The following RNF115 variants were observed in gnomAD, a reference collection of about 807,000 sequenced individuals.
RNF115 encodes E3 ubiquitin-protein ligase RNF115.
RNF115 carries 31 observed loss-of-function variants against 39.2 expected under a neutral mutation model. The observed-to-expected ratio is 0.79, with a 90% CI of 0.59 to 1.07. The LOEUF is 1.07. RNF115 is among the 50% of genes least tolerant of loss of function. The pLI, the probability that RNF115 is intolerant of heterozygous loss-of-function variation, is 0.00. For synonymous variants in RNF115, 124 were observed against 131.0 expected (o/e 0.95, Z 0.37); for missense variants, 384 against 381.7 (o/e 1.01, Z -0.05).
chr1:145,748,910 G>C (rs1458036807), intron 7 of RNF115, among the ~76,000 whole-genome samples: 1 of 151,274 alleles, frequency 6.6e-6, no homozygotes, highest in Non-Finnish European at 1.5e-5. Flanking sequence ...ATTAATAAAA[G>C]CTATACCAGA....
chr1:145,787,688 A>T (rs1449029401), intron 2 of RNF115, among the ~76,000 whole-genome samples: 2 of 152,098 alleles, frequency 1.3e-5, no homozygotes, highest in Non-Finnish European at 2.9e-5. Context: ...GGAGTTCAAG[A>T]CCAGCCTGGC....
intron 8 of RNF115, among the ~76,000 whole-genome samples, chr1:145,747,600 G>A (rs1198114758): frequency 1.3e-5 from 2 of 152,132 alleles, no homozygotes; most frequent in Non-Finnish European, 2.9e-5. Context: ...CTGAGATCAC[G>A]CCACTGCACT....
intron 4 of RNF115, among the ~76,000 whole-genome samples, chr1:145,756,507 TA>T (rs1658299738): frequency 6.6e-6 from 1 of 151,782 alleles, no homozygotes; most frequent in African/African-American, 2.4e-5. Flanking sequence ...GAATGGTACC[TA>T]AAGAATCATT....
chr1:145,823,797 T>A lies in RNF115; in HGVS notation c.77A>T (p.Lys26Met). ...AAHRFFCHFC[K>M]GEVSPKLPEY... ...CGGTAGTTTGGGGCTGACCTCGCCC[T>A]TGCAAAAGTGGCAGAAAAACCGGTG... Residue 26 changes from lysine to methionine, a missense_variant, in exon 1 of 9, where the codon AAG becomes ATG. By Grantham distance (95) the Lys-to-Met change is moderately conservative (BLOSUM62 -1). Transcript: ENST00000582693. The A allele has an allele frequency of 1.3e-6, 2 of 1,585,050 alleles. No individual in the cohort carries two copies. Among genetic ancestry groups the A allele is most frequent in the Non-Finnish European group, 1.7e-6 (2 of 1,168,844 alleles).
At chr1:145,779,787 C>T (rs371605985) in intron 3 of RNF115, among the ~76,000 whole-genome samples, 41 of 152,040 alleles carry the variant, frequency 2.7e-4, no homozygotes, top group East Asian at 1.6e-3. Flanking sequence ...CTCAGCCTCC[C>T]GAATAGCTGG....
Position 145,746,931 on chromosome 1 carries a change from T to G in RNF115, c.850A>C (p.Thr284Pro). 1 of 1,614,068 alleles carries G rather than the reference T, an allele frequency of 6.2e-7. No individual in the cohort carries two copies. Residue 284 changes from threonine to proline, a missense_variant, in exon 9 of 9, where the codon ACT becomes CCT. Physicochemically the swap from Thr to Pro is conservative, Grantham distance 38. Transcript: ENST00000582693. ...GEDSTRQSQS[T>P]EASASNRFSN... The stretch of plus-strand genomic sequence containing the variant: ...AATCTGTTGCTTGCAGAGGCCTCAG[T>G]GCTCTGGCTTTGCCGAGTAGAGTCC...
chr1:145,790,931 CAG>C (rs1295005818), intron 1 of RNF115, among the ~76,000 whole-genome samples: 2 of 151,774 alleles, frequency 1.3e-5, no homozygotes, highest in Admixed American at 6.6e-5. Context: ...CACTTGAGGT[CAG>C]GAGTTCAAGA....
chr1:145,752,777 C>T (rs1280417542), intron 5 of RNF115, among the ~76,000 whole-genome samples: 1 of 151,674 alleles, frequency 6.6e-6, no homozygotes. Flanking sequence ...TTAGTAGAGA[C>T]GGGGTTTCAC....
At chr1:145,771,631 G>T in intron 4 of RNF115, 80 bp downstream of exon 4, 4 of 1,113,272 alleles carry the variant, frequency 3.6e-6, no homozygotes, top group East Asian at 2.4e-5. Context: ...ATAAGTATGA[G>T]ACCCTTATAA....
At chr1:145,792,606 G>A (rs1251047522) in intron 1 of RNF115, among the ~76,000 whole-genome samples, 1 of 152,116 alleles carries the variant, frequency 6.6e-6, no homozygotes, top group African/African-American at 2.4e-5. Context: ...ATGAACACTA[G>A]AAACAGAAAC....
At chr1:145,781,900 CTTTTTTTT>C (rs34615861) in intron 3 of RNF115, among the ~76,000 whole-genome samples, 1 of 135,560 alleles carries the variant, frequency 7.4e-6, no homozygotes, top group Non-Finnish European at 1.6e-5. Context: ...TACACTTTTC[CTTTTTTTT>C]TTTTTTTTTG....
intron 3 of RNF115, among the ~76,000 whole-genome samples, chr1:145,775,947 G>A (rs185431494): frequency 4.6e-5 from 7 of 152,062 alleles, no homozygotes; most frequent in South Asian, 2.1e-4. Flanking sequence ...GCAGTGAGCC[G>A]AGATCACTCC....
chr1:145,773,121 T>C (rs1255782311), intron 3 of RNF115: 1 of 152,234 alleles, frequency 6.6e-6, no homozygotes, highest in Non-Finnish European at 1.5e-5. Context: ...CCTTTACTTC[T>C]TTGTCCATGG....
intron 1 of RNF115, among the ~76,000 whole-genome samples, 188 bp downstream of exon 1, chr1:145,823,584 G>C (rs1650406899): frequency 6.6e-6 from 1 of 152,210 alleles, no homozygotes; most frequent in Admixed American, 6.5e-5. Flanking sequence ...TAAGAGGTGG[G>C]CAGGAGGTAC....
intron 1 of RNF115, among the ~76,000 whole-genome samples, chr1:145,800,382 T>A: frequency 6.6e-6 from 1 of 152,266 alleles, no homozygotes; most frequent in African/African-American, 2.4e-5. Flanking sequence ...ACAGCCCCAA[T>A]AAGACCTCTC....
intron 1 of RNF115, among the ~76,000 whole-genome samples, chr1:145,804,308 T>C (rs1359877358): frequency 2.0e-5 from 3 of 152,190 alleles, no homozygotes; most frequent in Admixed American, 2.0e-4. Flanking sequence ...TCAAAAGGCA[T>C]ATAAAATGAA....
intron 4 of RNF115, among the ~76,000 whole-genome samples, chr1:145,768,861 A>G (rs1266731293): frequency 6.6e-6 from 1 of 152,232 alleles, no homozygotes; most frequent in East Asian, 1.9e-4. Context: ...AACCATATGG[A>G]ACAATCTAGG....
Position 145,823,897 on chromosome 1 carries a change from C to G in RNF115, c.-24G>C. The G allele has an allele frequency of 6.7e-7, 1 of 1,488,004 alleles. No homozygotes were observed. Among genetic ancestry groups the G allele is most frequent in the Non-Finnish European group, 9.0e-7 (1 of 1,114,990 alleles). The allele number at this position is 1,488,004 out of a possible 1,614,324, so 92.2% of individuals were successfully genotyped here. On this transcript the variant is annotated 5_prime_UTR_variant, in exon 1 of 9. Coordinates refer to ENST00000582693, the MANE Select transcript of RNF115 (RefSeq NM_014455.4). ...ATTTTTGCCCTCCGCCGCGGCCGTCCGAGAGGGCAGCCGGCCCGTCCCTCG... is the reference window on the plus strand; with the variant it reads ...ATTTTTGCCCTCCGCCGCGGCCGTCGGAGAGGGCAGCCGGCCCGTCCCTCG...
chr1:145,781,997 G>T lies in RNF115; in HGVS notation c.219+2542C>A, dbSNP rs1571747267. Among the ~76,000 whole-genome samples the T allele has an allele frequency of 2.0e-5, 3 of 151,270 alleles. No individual in the cohort carries two copies. The South Asian group carries it at 6.3e-4, about 32-fold the overall frequency. ...CGCTCACTGCAACCTCCGCCTTCTG[G>T]GTTCAAGCAATTCTCCTGCCTCAGC... is the stretch of plus-strand genomic sequence containing the variant. On this transcript the variant is annotated intron_variant, in intron 3 of 8. Transcript: ENST00000582693.
Sources: allele counts gnomAD v4.1 joint callset (sites outside exome capture counted in the v4.1 genomes callset), GRCh38; gene constraint gnomAD v4.1.1; transcripts MANE v1.5; gene names NCBI Gene and HGNC (gene_info 2026-07-23, HGNC 2026-07-21).